The following SLC25A15 variants were observed in gnomAD, a reference collection of about 807,000 sequenced individuals.
SLC25A15 encodes the protein solute carrier family 25 member 15.
A neutral mutation model predicts 32.3 loss-of-function variants in SLC25A15; 24 were observed. The ratio of observed to expected loss-of-function variants is 0.74; its 90% confidence interval spans 0.54 to 1.04. SLC25A15 has a LOEUF of 1.04. Among genes scored for constraint, SLC25A15 ranks in the 50% least tolerant of loss-of-function variants. The pLI, the probability that SLC25A15 is intolerant of heterozygous loss-of-function variation, is 0.00. For synonymous variants in SLC25A15, 132 were observed against 142.1 expected (o/e 0.93, Z 0.51); for missense variants, 317 against 374.5 (o/e 0.85, Z 1.27).
At position 40,805,290 on chromosome 13, in the gene SLC25A15, A is replaced by G. The variant is rs748400422; in HGVS notation, c.452+35A>G. On this transcript the variant is annotated intron_variant, in intron 4 of 6. Coordinates refer to ENST00000338625, the MANE Select transcript of SLC25A15 (RefSeq NM_014252.4). ...ACTTGGGCACAAACGTCAGGTCTCT[A>G]TTGCCCTAGTGTATTGGATGATTTT... 9.3e-6 allele frequency: 15 copies of G among 1,613,126 alleles called. 1 individual carries two copies. The East Asian group carries it at 1.6e-4, about 17-fold the overall frequency.
intron 3 of SLC25A15, among the ~76,000 whole-genome samples, chr13:40,803,128 G>A (rs1270934537): frequency 1.3e-5 from 2 of 152,058 alleles, no homozygotes; most frequent in Non-Finnish European, 2.9e-5. Flanking sequence ...CTCTTCTAGG[G>A]CTGGAAGGGA....
At chr13:40,804,943 A>G (rs1882102915) in intron 3 of SLC25A15, among the ~76,000 whole-genome samples, 175 bp from the exon 4 acceptor site, 1 of 152,064 alleles carries the variant, frequency 6.6e-6, no homozygotes, top group Non-Finnish European at 1.5e-5. Flanking sequence ...ACTGTAGCCT[A>G]GAACACATGG....
At chr13:40,800,405 AC>A (rs902999590) in intron 3 of SLC25A15, among the ~76,000 whole-genome samples, 1 of 152,200 alleles carries the variant, frequency 6.6e-6, no homozygotes, top group Non-Finnish European at 1.5e-5. Flanking sequence ...CAAGCAGGGC[AC>A]AAACCAGGAG....
In SLC25A15 at chr13:40,811,026, G is replaced by T. The variant is rs1309146177; in HGVS notation, c.*1359G>T. Among the ~76,000 whole-genome samples, 2 of 152,204 alleles carry T rather than the reference G, an allele frequency of 1.3e-5. No homozygotes were observed. The highest frequency in any genetic ancestry group is 2.9e-5 in the Non-Finnish European group (2 of 68,036). On this transcript the variant is annotated 3_prime_UTR_variant, in exon 7 of 7. Transcript: ENST00000338625. ...AACCTCTCTCAGAGAGAACTAGAAA[G>T]AACTCAGTGCTTGTACTCCACAGTG...
chr13:40,797,349 T>A (rs1881699797), intron 2 of SLC25A15, among the ~76,000 whole-genome samples: 1 of 152,242 alleles, frequency 6.6e-6, no homozygotes, highest in Non-Finnish European at 1.5e-5. Flanking sequence ...AATTAAATGC[T>A]TTATTCAGCT....
At position 40,807,464 on chromosome 13, in the gene SLC25A15, G is replaced by A. The variant is rs957788324; in HGVS notation, c.622+1G>A. On this transcript the variant is annotated splice_donor_variant, in intron 5 of 6. Coordinates refer to ENST00000338625, the MANE Select transcript of SLC25A15 (RefSeq NM_014252.4). LOFTEE classifies it high-confidence loss of function. ...TCAGGGAGATCAAAAGATGAATTAG[G>A]TAAATGTGTTTGCATTGACAGCAGT... 2 of 1,614,140 alleles carry A rather than the reference G, an allele frequency of 1.2e-6. No homozygotes were observed. The highest frequency in any genetic ancestry group is 1.7e-6 in the Non-Finnish European group (2 of 1,180,002).
chr13:40,804,135 G>A (rs1882034230), intron 3 of SLC25A15, among the ~76,000 whole-genome samples: 1 of 152,098 alleles, frequency 6.6e-6, no homozygotes, highest in Non-Finnish European at 1.5e-5. Context: ...TCTGATGAGG[G>A]CTTGTTCTTA....
At chr13:40,792,127 G>A (rs1358895046) in intron 1 of SLC25A15, among the ~76,000 whole-genome samples, 1 of 152,224 alleles carries the variant, frequency 6.6e-6, no homozygotes, top group Non-Finnish European at 1.5e-5. Flanking sequence ...CTCAACAGTA[G>A]TTGACTTTTG....
In SLC25A15 at chr13:40,793,299, A is replaced by C. The variant is rs765829415; in HGVS notation, c.55+18A>C. Reference sequence around the variant, plus strand: ...GGCTGCAGGTACAGTCATGTGCCTCATCACCATGTTTCTGTCGTTGATGGA... The same window carrying C: ...GGCTGCAGGTACAGTCATGTGCCTCCTCACCATGTTTCTGTCGTTGATGGA... On this transcript the variant is annotated intron_variant, in intron 2 of 6. Coordinates refer to ENST00000338625, the MANE Select transcript of SLC25A15 (RefSeq NM_014252.4). 7.1e-5 allele frequency: 114 copies of C among 1,607,172 alleles called. No homozygotes were observed. The highest frequency in any genetic ancestry group is 9.4e-5 in the Non-Finnish European group (111 of 1,174,654).
chr13:40,798,683 C>A, intron 2 of SLC25A15: 1 of 771,786 alleles, frequency 1.3e-6, no homozygotes, highest in Non-Finnish European at 1.6e-6. Context: ...CACGCTAACC[C>A]TGTGAGGTGG....
At chr13:40,793,431 C>T in intron 2 of SLC25A15, 150 bp downstream of exon 2, 2 of 751,588 alleles carry the variant, frequency 2.7e-6, no homozygotes, top group South Asian at 3.0e-5. Flanking sequence ...GTTATAGTTG[C>T]CTGCAACATC....
Position 40,809,808 on chromosome 13 carries a change from T to C in SLC25A15, c.*141T>C. ...TTTGTCTTCCCTTCTACCCTACATC[T>C]TAAACTTTATGGAAGAACCTCTATT... On this transcript the variant is annotated 3_prime_UTR_variant, in exon 7 of 7. Coordinates refer to ENST00000338625, the MANE Select transcript of SLC25A15 (RefSeq NM_014252.4). The C allele has an allele frequency of 1.3e-6, 1 of 798,734 alleles. No individual in the cohort carries two copies. Among genetic ancestry groups the C allele is most frequent in the Non-Finnish European group, 2.1e-6 (1 of 478,770 alleles). 49.5% of individuals were successfully genotyped at this position (798,734 alleles called of 1,614,324 possible).
At chr13:40,802,883 T>A (rs1881954683) in intron 3 of SLC25A15, among the ~76,000 whole-genome samples, 1 of 152,018 alleles carries the variant, frequency 6.6e-6, no homozygotes, top group Non-Finnish European at 1.5e-5. Context: ...CATCTGTGCT[T>A]TTGCTCACAG....
Position 40,811,259 on chromosome 13 carries a change from G to A in SLC25A15, c.*1592G>A, listed in dbSNP as rs1023307839. On this transcript the variant is annotated 3_prime_UTR_variant, in exon 7 of 7. Transcript: ENST00000338625. The stretch of plus-strand genomic sequence containing the variant: ...TAATCCCAGCACTTTGGGAGGCTGA[G>A]GCGGGCGGGTCACAAGGTCAGGAGT... Among the ~76,000 whole-genome samples, 1 of 152,220 alleles carries A rather than the reference G, an allele frequency of 6.6e-6. No homozygotes were observed. Among genetic ancestry groups the A allele is most frequent in the African/African-American group, 2.4e-5 (1 of 41,460 alleles).
At position 40,799,197 on chromosome 13, in the gene SLC25A15, G is replaced by A. The variant is rs763995098; in HGVS notation, c.196G>A (p.Gly66Ser). 6.2e-7 allele frequency: 1 copy of A among 1,614,058 alleles called. No homozygotes were observed. The highest frequency in any genetic ancestry group is 8.5e-7 in the Non-Finnish European group (1 of 1,180,046). Residue 66 changes from glycine to serine, a missense_variant, in exon 3 of 7, where the codon GGT (glycine) becomes AGT (serine). Physicochemically the swap from Gly to Ser is moderately conservative, Grantham distance 56 (BLOSUM62 0). Coordinates refer to ENST00000338625, the MANE Select transcript of SLC25A15 (RefSeq NM_014252.4). ...SQVGFRGFYK[G>S]TSPALIANIA... ...GGTGGGCTTCCGTGGCTTCTACAAG[G>A]GTACCAGTCCAGCACTAATCGCCAA...
chr13:40,793,470 T>C (rs960288477), intron 2 of SLC25A15, among the ~76,000 whole-genome samples, 189 bp downstream of exon 2: 12 of 152,228 alleles, frequency 7.9e-5, no homozygotes, highest in Non-Finnish European at 1.8e-4. Context: ...TACAGGTGTA[T>C]AGCCTAGGAG....
intron 2 of SLC25A15, among the ~76,000 whole-genome samples, chr13:40,797,184 C>T (rs1224956121): frequency 2.0e-5 from 3 of 152,038 alleles, no homozygotes; most frequent in South Asian, 2.1e-4. Context: ...TTGCAGAGGA[C>T]GGGAGACAGT....
intron 1 of SLC25A15, among the ~76,000 whole-genome samples, chr13:40,791,212 CACTG>C (rs1270900601): frequency 2.0e-5 from 3 of 151,996 alleles, no homozygotes; most frequent in Non-Finnish European, 4.4e-5. Context: ...AATCCTCTGT[CACTG>C]ACAGTTGTGT....
In SLC25A15 at chr13:40,805,026, T is replaced by C; in HGVS notation, c.315-92T>C. On this transcript the variant is annotated intron_variant, in intron 3 of 6. Transcript: ENST00000338625. Reference sequence around the variant, plus strand: ...GGTTCATGCCCTCACGCCCGGCTCCTTACCCTGCTTTATCACCAAAGTGCT... The same window carrying C: ...GGTTCATGCCCTCACGCCCGGCTCCCTACCCTGCTTTATCACCAAAGTGCT... The C allele has an allele frequency of 5.9e-6, 9 of 1,537,068 alleles. No homozygotes were observed. In the South Asian group the frequency reaches 1.0e-4, roughly 17 times the overall value.
Sources: gnomAD v4.1 joint callset for allele counts (sites outside exome capture counted in the v4.1 genomes callset) on GRCh38, gnomAD v4.1.1 for gene constraint, MANE v1.5 for transcripts, NCBI Gene and HGNC (gene_info 2026-07-23, HGNC 2026-07-21) for gene names.